PXDN: variants seen among roughly 807,000 people sequenced by gnomAD.
The protein encoded by PXDN is peroxidasin, also known as peroxidasin homolog.
In PXDN, 77 loss-of-function variants were observed where a neutral mutation model predicts 140.3. That is an observed-to-expected ratio of 0.55 (90% confidence interval 0.46 to 0.66). The LOEUF (loss-of-function observed/expected upper bound fraction) is 0.66. PXDN is among the 30% of genes least tolerant of loss of function. PXDN has a pLI of 0.00. For synonymous variants in PXDN, 911 were observed against 857.4 expected (o/e 1.06, Z -1.09); for missense variants, 1,838 against 2,039.5 (o/e 0.90, Z 1.90).
intron 2 of PXDN, among the ~76,000 whole-genome samples, chr2:1,692,367 G>A (rs1205509541): frequency 3.3e-5 from 5 of 152,204 alleles, no homozygotes; most frequent in African/African-American, 7.2e-5. Context: ...AGGGTGGTCC[G>A]GGTGGACAGA....
intron 1 of PXDN, among the ~76,000 whole-genome samples, chr2:1,697,549 C>T (rs1189749906): frequency 6.6e-6 from 1 of 152,182 alleles, no homozygotes; most frequent in Admixed American, 6.5e-5. Context: ...TATGACTCAA[C>T]AGCTTGACAA....
At chr2:1,647,826 C>T (rs976349983) in intron 17 of PXDN, among the ~76,000 whole-genome samples, 4 of 152,314 alleles carry the variant, frequency 2.6e-5, no homozygotes, top group South Asian at 2.1e-4. Flanking sequence ...TTTTCTGGTG[C>T]GAACAGTGTA....
At chr2:1,726,238 C>T (rs1685180540) in intron 1 of PXDN, among the ~76,000 whole-genome samples, 1 of 150,470 alleles carries the variant, frequency 6.6e-6, no homozygotes, top group Admixed American at 6.6e-5. Flanking sequence ...CCATGGAATA[C>T]TATGCAGCCA....
intron 14 of PXDN, among the ~76,000 whole-genome samples, chr2:1,658,281 C>A (rs1683214933): frequency 6.6e-6 from 1 of 152,108 alleles, no homozygotes; most frequent in Non-Finnish European, 1.5e-5. Flanking sequence ...CTCCCTGCAG[C>A]TCACTTCGTG....
intron 2 of PXDN, chr2:1,692,521 G>C (rs73910836): frequency 0.01 from 4,787 of 471,772 alleles, 179 homozygotes; most frequent in African/African-American, 0.085. Context: ...CCATGACCCT[G>C]CTCTTACACC....
intron 7 of PXDN, among the ~76,000 whole-genome samples, chr2:1,679,614 T>G (rs576087538): frequency 5.4e-4 from 68 of 126,440 alleles, no homozygotes; most frequent in African/African-American, 1.9e-3. Flanking sequence ...TGTGTGTGTG[T>G]GGTTTGTGTC....
At chr2:1,683,861 T>A (rs776033418) in intron 5 of PXDN, 134 bp from the exon 6 acceptor site, 11 of 903,452 alleles carry the variant, frequency 1.2e-5, no homozygotes, top group Non-Finnish European at 1.8e-5. Flanking sequence ...TACAAATGAA[T>A]CTGAAAACAA....
intron 1 of PXDN, among the ~76,000 whole-genome samples, chr2:1,735,886 T>A (rs1412275589): frequency 6.6e-6 from 1 of 152,178 alleles, no homozygotes; most frequent in African/African-American, 2.4e-5. Flanking sequence ...TTGTCCACAT[T>A]AAAAATCTGT....
intron 4 of PXDN, among the ~76,000 whole-genome samples, chr2:1,684,414 G>A (rs975124726): frequency 5.9e-5 from 9 of 152,186 alleles, no homozygotes; most frequent in South Asian, 2.1e-4. Context: ...CCTTGACACC[G>A]CGTGAGAAGG....
intron 1 of PXDN, among the ~76,000 whole-genome samples, chr2:1,696,923 G>A (rs112412891): frequency 2.0e-5 from 3 of 152,288 alleles, no homozygotes; most frequent in Admixed American, 6.5e-5. Flanking sequence ...GCCAACGTTC[G>A]TTTCAAATAT....
At chr2:1,671,791 A>G (rs1683583620) in intron 9 of PXDN, among the ~76,000 whole-genome samples, 2 of 152,190 alleles carry the variant, frequency 1.3e-5, no homozygotes, top group Admixed American at 1.3e-4. Context: ...GTAAAGGGCC[A>G]GATTGGTCCT....
chr2:1,681,026 G>C (rs1177472351), intron 6 of PXDN, among the ~76,000 whole-genome samples: 2 of 152,290 alleles, frequency 1.3e-5, no homozygotes, highest in Non-Finnish European at 2.9e-5. Flanking sequence ...GAAGTTGTCT[G>C]GGGGACAGAG....
In PXDN at chr2:1,681,261, C is replaced by T. The variant is rs370468299; in HGVS notation, c.561-899G>A. ...GAATTCAATCTGTGAGGCAGGAAGC[C>T]CATGGCAGGAAACACACTATCTTGC... On this transcript the variant is annotated intron_variant, in intron 6 of 22. Transcript: ENST00000252804. Among the ~76,000 whole-genome samples the T allele has an allele frequency of 9.2e-5, 14 of 152,220 alleles. No homozygotes were observed. In the East Asian group the frequency reaches 1.4e-3, roughly 15 times the overall value.
At chr2:1,658,790 C>A (rs563442172) in intron 14 of PXDN, among the ~76,000 whole-genome samples, 2 of 136,882 alleles carry the variant, frequency 1.5e-5, no homozygotes, top group Admixed American at 7.4e-5. Context: ...CCCCAGGACC[C>A]CCCCACTCTA....
intron 1 of PXDN, among the ~76,000 whole-genome samples, chr2:1,695,442 G>C (rs6727198): frequency 0.73 from 53,016 of 72,272 alleles, 18,033 homozygotes; most frequent in Non-Finnish European, 0.79. Context: ...CTGCTGGACA[G>C]AGAGGTGCTG....
chr2:1,654,743 G>A (rs369949061), intron 14 of PXDN, among the ~76,000 whole-genome samples: 2 of 152,194 alleles, frequency 1.3e-5, no homozygotes, highest in South Asian at 4.1e-4. Context: ...GAAGAAGACA[G>A]GAAGTAGTTA....
At chr2:1,667,704 T>G (rs111980522) in intron 9 of PXDN, among the ~76,000 whole-genome samples, 2,032 of 152,238 alleles carry the variant, frequency 0.013, 56 homozygotes, top group African/African-American at 0.046. Context: ...CATTCATGAT[T>G]GCTACAAAGA....
chr2:1,698,498 G>A (rs1270283392), intron 1 of PXDN, among the ~76,000 whole-genome samples: 1 of 152,194 alleles, frequency 6.6e-6, no homozygotes, highest in Non-Finnish European at 1.5e-5. Context: ...GGGAAGGGAG[G>A]AGAGAATGAG....
chr2:1,724,407 G>A (rs1558527718), intron 1 of PXDN, among the ~76,000 whole-genome samples: 1 of 150,102 alleles, frequency 6.7e-6, no homozygotes, highest in Non-Finnish European at 1.5e-5. Flanking sequence ...AACATGTAGA[G>A]TTGGTCACAT....
Sources: gnomAD v4.1 joint callset for allele counts (sites outside exome capture counted in the v4.1 genomes callset) on GRCh38, gnomAD v4.1.1 for gene constraint, MANE v1.5 for transcripts, NCBI Gene and HGNC (gene_info 2026-07-23, HGNC 2026-07-21) for gene names.